Variants in PLLP observed in about 807,000 individuals in gnomAD.
PLLP encodes plasmolipin.
A neutral mutation model predicts 19.7 loss-of-function variants in PLLP; 15 were observed. The observed-to-expected ratio is 0.76, with a 90% CI of 0.51 to 1.17. PLLP has a LOEUF of 1.17. Among genes scored for constraint, PLLP ranks in the 50% most tolerant of loss-of-function variants. The pLI, the probability that PLLP is intolerant of heterozygous loss-of-function variation, is 0.00. For synonymous variants in PLLP, 111 were observed against 116.3 expected (o/e 0.95, Z 0.29); for missense variants, 255 against 258.3 (o/e 0.99, Z 0.09).
intron 1 of PLLP, among the ~76,000 whole-genome samples, chr16:57,270,087 A>T (rs888432975): frequency 6.6e-6 from 1 of 152,168 alleles, no homozygotes; most frequent in Non-Finnish European, 1.5e-5. Flanking sequence ...CTTTTTAAAC[A>T]TGGGTGACTG....
chr16:57,256,867 A>G lies in PLLP; in HGVS notation c.*46T>C. 7.6e-7 allele frequency: 1 copy of G among 1,316,692 alleles called. No individual in the cohort carries two copies. The allele number at this position is 1,316,692 out of a possible 1,614,324, so 81.6% of individuals were successfully genotyped here. On this transcript the variant is annotated 3_prime_UTR_variant, in exon 4 of 4. Transcript: ENST00000219207. ...GCTTGCAGGGTGACCCTGCTCTGTG[A>G]CCCAGCGGCGGCTTCAGCCCCAGAG...
chr16:57,280,188 A>T (rs1901201584), intron 1 of PLLP, among the ~76,000 whole-genome samples: 1 of 152,208 alleles, frequency 6.6e-6, no homozygotes, highest in Non-Finnish European at 1.5e-5. Context: ...AAGATGAGGA[A>T]GCATAGCTAG....
chr16:57,261,056 C>T (rs1250167976), intron 2 of PLLP, among the ~76,000 whole-genome samples: 1 of 151,366 alleles, frequency 6.6e-6, no homozygotes, highest in Admixed American at 6.6e-5. Context: ...GGTGTGATCT[C>T]GGCTCACTGC....
intron 1 of PLLP, among the ~76,000 whole-genome samples, chr16:57,268,479 C>G (rs1375236305): frequency 6.6e-6 from 1 of 152,060 alleles, no homozygotes; most frequent in Non-Finnish European, 1.5e-5. Flanking sequence ...GTATCTACCC[C>G]CTAGGGTGGT....
intron 1 of PLLP, among the ~76,000 whole-genome samples, chr16:57,273,936 G>A (rs1296811829): frequency 6.6e-6 from 1 of 152,210 alleles, no homozygotes; most frequent in Non-Finnish European, 1.5e-5. Context: ...CTCTGGGCCT[G>A]AGGACATTCA....
At chr16:57,274,639 G>A (rs1901125783) in intron 1 of PLLP, among the ~76,000 whole-genome samples, 1 of 151,704 alleles carries the variant, frequency 6.6e-6, no homozygotes, top group African/African-American at 2.4e-5. Context: ...TTTTAGTGGA[G>A]ATGAGGTCTC....
chr16:57,261,191 G>C (rs2075440742), intron 2 of PLLP, among the ~76,000 whole-genome samples: 1 of 151,972 alleles, frequency 6.6e-6, no homozygotes, highest in Admixed American at 6.6e-5. Context: ...TTTTTGTAGA[G>C]ACAGGGTTTC....
chr16:57,275,008 G>C (rs1052620995), intron 1 of PLLP, among the ~76,000 whole-genome samples: 1 of 151,792 alleles, frequency 6.6e-6, no homozygotes, highest in Admixed American at 6.6e-5. Context: ...TGATCCGCCC[G>C]CCTCGGCCTC....
intron 1 of PLLP, among the ~76,000 whole-genome samples, chr16:57,283,723 C>T (rs1901246551): frequency 6.6e-6 from 1 of 152,170 alleles, no homozygotes; most frequent in Admixed American, 6.5e-5. Context: ...TACCCACAAA[C>T]CCCTCCCTCC....
intron 1 of PLLP, among the ~76,000 whole-genome samples, chr16:57,282,216 CTT>C (rs1313530817): frequency 1.5e-5 from 2 of 133,822 alleles, no homozygotes; most frequent in African/African-American, 5.9e-5. Context: ...TAGTCTCTTT[CTT>C]TTTTCTTTTC....
At chr16:57,269,580 G>A (rs2075468155) in intron 1 of PLLP, among the ~76,000 whole-genome samples, 2 of 152,262 alleles carry the variant, frequency 1.3e-5, no homozygotes, top group South Asian at 4.1e-4. Flanking sequence ...CCACGAGGCA[G>A]GAAGGCAGCC....
chr16:57,278,384 T>C (rs1431045150), intron 1 of PLLP, among the ~76,000 whole-genome samples: 1 of 152,110 alleles, frequency 6.6e-6, no homozygotes, highest in African/African-American at 2.4e-5. Context: ...GAACAAAGGA[T>C]ACAGAATAAA....
chr16:57,264,958 C>T (rs1352555550), intron 1 of PLLP, among the ~76,000 whole-genome samples: 1 of 152,196 alleles, frequency 6.6e-6, no homozygotes, highest in Non-Finnish European at 1.5e-5. Flanking sequence ...GCCTTGCCTC[C>T]CCCCAACCCA....
At position 57,267,593 on chromosome 16, in the gene PLLP, C is replaced by G. The variant is rs369220299; in HGVS notation, c.136-5523G>C. Reference sequence around the variant, plus strand: ...AGAAACAAAACAAAACAAAACAAAACAAGGCCTGGCATGGTGGATCATACC... The same window carrying G: ...AGAAACAAAACAAAACAAAACAAAAGAAGGCCTGGCATGGTGGATCATACC... On this transcript the variant is annotated intron_variant, in intron 1 of 3. Coordinates refer to ENST00000219207, the MANE Select transcript of PLLP (RefSeq NM_015993.3). Among the ~76,000 whole-genome samples the G allele has an allele frequency of 9.7e-4, 145 of 149,488 alleles. 2 individuals are homozygous for G. In the South Asian group the frequency reaches 0.029, roughly 30 times the overall value.
chr16:57,264,433 C>T (rs190421117), intron 1 of PLLP, among the ~76,000 whole-genome samples: 1 of 152,356 alleles, frequency 6.6e-6, no homozygotes, highest in African/African-American at 2.4e-5. Context: ...CAGTGCCCAA[C>T]AGTGCCCGAC....
At position 57,284,649 on chromosome 16, in the gene PLLP, G is replaced by A. The variant is rs1164599166; in HGVS notation, c.-109C>T. 2 of 1,095,434 alleles carry A rather than the reference G, an allele frequency of 1.8e-6. No homozygotes were observed. The highest frequency in any genetic ancestry group is 3.2e-5 in the East Asian group (1 of 31,068). 67.9% of individuals were successfully genotyped at this position (1,095,434 alleles called of 1,614,324 possible). The stretch of plus-strand genomic sequence containing the variant: ...CCCCCAGGCTCCGGATCCCTGTGTG[G>A]CTCCAGGCGCTGCAGGAGGCGTCGG... On this transcript the variant is annotated 5_prime_UTR_variant, in exon 1 of 4. Transcript: ENST00000219207.
intron 1 of PLLP, among the ~76,000 whole-genome samples, chr16:57,271,650 A>G (rs1475511743): frequency 6.6e-6 from 1 of 151,974 alleles, no homozygotes; most frequent in Non-Finnish European, 1.5e-5. Context: ...TGTCTCAAAA[A>G]TAAAAAAAGA....
intron 1 of PLLP, among the ~76,000 whole-genome samples, chr16:57,274,965 G>A (rs1392686938): frequency 6.6e-6 from 1 of 151,526 alleles, no homozygotes; most frequent in Middle Eastern, 3.2e-3. Flanking sequence ...GTTTCACCGT[G>A]TTAGCCAGGA....
At chr16:57,269,269 G>A (rs1427461880) in intron 1 of PLLP, among the ~76,000 whole-genome samples, 1 of 152,208 alleles carries the variant, frequency 6.6e-6, no homozygotes. Context: ...ACTCTGAGCT[G>A]TCATGCAAAG....
Sources: allele counts gnomAD v4.1 joint callset (sites outside exome capture counted in the v4.1 genomes callset), GRCh38; gene constraint gnomAD v4.1.1; transcripts MANE v1.5; gene names NCBI Gene and HGNC (gene_info 2026-07-23, HGNC 2026-07-21).